The following ERC1 variants were observed in gnomAD, a reference collection of about 807,000 sequenced individuals.
ERC1 encodes the protein RAB6 interacting protein 2.
In ERC1, 56 loss-of-function variants were observed where a neutral mutation model predicts 132.0. The ratio of observed to expected loss-of-function variants is 0.42; its 90% confidence interval spans 0.34 to 0.53. The LOEUF (loss-of-function observed/expected upper bound fraction) is 0.53, where lower values mean the gene tolerates loss of function less well. Ranked by LOEUF, ERC1 falls within the 20% of genes least tolerant of loss-of-function variation. ERC1 has a pLI of 0.03. For missense variants in ERC1, 1,202 were observed against 1,349.9 expected (o/e 0.89, Z 1.72); for synonymous variants, 478 against 476.1 (o/e 1.00, Z -0.05).
At chr12:1,464,812 G>T (rs892252681) in intron 18 of ERC1, among the ~76,000 whole-genome samples, 2 of 151,970 alleles carry the variant, frequency 1.3e-5, no homozygotes, top group African/African-American at 4.8e-5. Context: ...GAGCCACGGT[G>T]CATGGCCACA....
chr12:1,407,492 G>A lies in ERC1; in HGVS notation c.2926-657G>A, dbSNP rs190186562. Among the ~76,000 whole-genome samples the A allele has an allele frequency of 6.8e-3, 1,025 of 150,428 alleles. 8 individuals carry two copies. The highest frequency in any genetic ancestry group is 0.032 in the South Asian group (156 of 4,804). On this transcript the variant is annotated intron_variant, in intron 16 of 18. Transcript: ENST00000360905. ...GCTTGAGGCCAGGAGCTTGAGACAA[G>A]CCTGGGCAACATAGTGAGACCCTGT...
At chr12:1,295,488 T>A (rs1284319821) in intron 15 of ERC1, among the ~76,000 whole-genome samples, 2 of 152,080 alleles carry the variant, frequency 1.3e-5, no homozygotes, top group African/African-American at 4.8e-5. Flanking sequence ...TGCTACAGAA[T>A]GAGAGTGGAA....
intron 14 of ERC1, among the ~76,000 whole-genome samples, chr12:1,270,549 T>G (rs1219861718): frequency 1.3e-5 from 2 of 152,052 alleles, no homozygotes; most frequent in Non-Finnish European, 2.9e-5. Context: ...TAACAAGGGG[T>G]ATCTAAACTA....
At chr12:1,329,704 G>C (rs1043787799) in intron 15 of ERC1, among the ~76,000 whole-genome samples, 1 of 152,182 alleles carries the variant, frequency 6.6e-6, no homozygotes, top group Non-Finnish European at 1.5e-5. Flanking sequence ...ATGTGAATAA[G>C]ATACCAAAAT....
intron 18 of ERC1, among the ~76,000 whole-genome samples, chr12:1,459,967 C>G (rs2093613906): frequency 6.6e-6 from 1 of 152,118 alleles, no homozygotes; most frequent in African/African-American, 2.4e-5. Flanking sequence ...GATGTGTATA[C>G]ACATGTATAT....
In ERC1 at chr12:1,083,525, A is replaced by G. The variant is rs753283549; in HGVS notation, c.1031A>G (p.His344Arg). The change falls in exon 3 of 19, where the codon CAT becomes CGT. Residue 344 changes from histidine (H) to arginine (R), a missense_variant. Coordinates refer to ENST00000360905, the MANE Select transcript of ERC1 (RefSeq NM_178040.4). Reference sequence around the variant, plus strand: ...CTGGCAGAGGCAGAGATGCACGTTCATCACCTAGAAAGCCTTTTGGAGCAG... The same window carrying G: ...CTGGCAGAGGCAGAGATGCACGTTCGTCACCTAGAAAGCCTTTTGGAGCAG... ...RRLAEAEMHVHHLESLLEQKE... is the reference protein window; with the variant it reads ...RRLAEAEMHVRHLESLLEQKE... The G allele has an allele frequency of 3.7e-5, 60 of 1,613,276 alleles. No individual in the cohort carries two copies. The highest frequency in any genetic ancestry group is 5.0e-5 in the Non-Finnish European group (59 of 1,179,794).
chr12:1,005,893 T>C (rs1030819175), intron 1 of ERC1, among the ~76,000 whole-genome samples: 9 of 152,138 alleles, frequency 5.9e-5, no homozygotes, highest in Admixed American at 3.9e-4. Flanking sequence ...TAACAGTTTA[T>C]ATTAAAATTC....
At chr12:1,353,366 C>T (rs547088672) in intron 15 of ERC1, among the ~76,000 whole-genome samples, 2 of 152,270 alleles carry the variant, frequency 1.3e-5, no homozygotes, top group African/African-American at 4.8e-5. Flanking sequence ...GACAGGAGAA[C>T]ATTTTCAAAT....
At chr12:1,470,957 C>T (rs1429085624) in intron 18 of ERC1, among the ~76,000 whole-genome samples, 2 of 152,190 alleles carry the variant, frequency 1.3e-5, no homozygotes, top group Non-Finnish European at 2.9e-5. Flanking sequence ...AAGAGATGGT[C>T]CCCTGTTTTC....
At chr12:1,224,602 T>C (rs2074409604) in intron 12 of ERC1, among the ~76,000 whole-genome samples, 1 of 152,166 alleles carries the variant, frequency 6.6e-6, no homozygotes, top group Admixed American at 6.5e-5. Context: ...CCATATCTCT[T>C]TTTAGAAACA....
In ERC1 at chr12:1,125,151, C is replaced by T. The variant is rs190788937; in HGVS notation, c.1569+9118C>T. Among the ~76,000 whole-genome samples, 252 of 152,128 alleles carry T rather than the reference C, an allele frequency of 1.7e-3. 3 individuals are homozygous for T. The highest frequency in any genetic ancestry group is 5.7e-3 in the African/African-American group (235 of 41,498). On this transcript the variant is annotated intron_variant, in intron 7 of 18. Transcript: ENST00000360905. ...CTGGGACTACAGGTGCATGCCACCA[C>T]GCCCAGCTAATTTTTTGTATTTTTA...
At chr12:1,091,998 A>ATTTTTT (rs1257379725) in intron 3 of ERC1, among the ~76,000 whole-genome samples, 3 of 103,234 alleles carry the variant, frequency 2.9e-5, no homozygotes, top group Non-Finnish European at 4.5e-5. Context: ...CATTTAATCA[A>ATTTTTT]TTCTTTTTTT....
At chr12:1,340,488 C>T (rs1452376736) in intron 15 of ERC1, among the ~76,000 whole-genome samples, 1 of 152,122 alleles carries the variant, frequency 6.6e-6, no homozygotes, top group Non-Finnish European at 1.5e-5. Flanking sequence ...GATGAGGGGT[C>T]ATCTTCTGCT....
chr12:1,158,480 G>T (rs1951593767), intron 8 of ERC1, among the ~76,000 whole-genome samples: 1 of 151,844 alleles, frequency 6.6e-6, no homozygotes, highest in African/African-American at 2.4e-5. Flanking sequence ...GCCCAGGCTG[G>T]AGTGCAGTGG....
At chr12:1,241,121 T>TA (rs1358977505) in intron 13 of ERC1, among the ~76,000 whole-genome samples, 1 of 152,226 alleles carries the variant, frequency 6.6e-6, no homozygotes, top group Non-Finnish European at 1.5e-5. Context: ...AAATTTTTGT[T>TA]ACCAAAGATG....
Position 1,491,361 on chromosome 12 carries a change from G to T in ERC1, c.*1131G>T. The T allele has an allele frequency of 4.3e-6, 1 of 231,114 alleles. No homozygotes were observed. Among genetic ancestry groups the T allele is most frequent in the Non-Finnish European group, 8.6e-6 (1 of 116,756 alleles). The allele number at this position is 231,114 out of a possible 1,614,324, so 14.3% of individuals were successfully genotyped here. A position where few individuals can be genotyped will look rare whatever the true frequency, so the allele number is the denominator to read the frequency against. ...GAACCTTCTTCTAGCATAAATGAAG[G>T]TTTTTCCTCCTACACACATTCCTTC... On this transcript the variant is annotated 3_prime_UTR_variant, in exon 19 of 19. Transcript: ENST00000360905.
chr12:1,014,749 A>AT (rs931931970), intron 1 of ERC1, among the ~76,000 whole-genome samples: 62 of 151,186 alleles, frequency 4.1e-4, no homozygotes, highest in African/African-American at 1.0e-3. Context: ...TATTTACTTA[A>AT]TTTTTTTTTG....
intron 14 of ERC1, among the ~76,000 whole-genome samples, chr12:1,269,782 G>A (rs745622245): frequency 2.6e-5 from 4 of 152,138 alleles, no homozygotes; most frequent in African/African-American, 9.7e-5. Flanking sequence ...AAATTGATCT[G>A]CTCAAAAGGC....
chr12:1,261,386 C>G (rs1051266572), intron 13 of ERC1, among the ~76,000 whole-genome samples: 8 of 152,168 alleles, frequency 5.3e-5, no homozygotes, highest in African/African-American at 1.9e-4. Flanking sequence ...ATACTTACAG[C>G]AATCTGTATT....
Sources: allele counts gnomAD v4.1 joint callset (sites outside exome capture counted in the v4.1 genomes callset), GRCh38; gene constraint gnomAD v4.1.1; transcripts MANE v1.5; gene names NCBI Gene and HGNC (gene_info 2026-07-23, HGNC 2026-07-21).